ZMYM5: variants seen among roughly 807,000 people sequenced by gnomAD.
ZMYM5 encodes zinc finger MYM-type containing 5.
Under a neutral mutation model 61.8 loss-of-function variants are expected in ZMYM5, and 41 were observed. That is an observed-to-expected ratio of 0.66 (90% CI 0.52 to 0.86). The LOEUF is 0.86. Ranked by LOEUF, ZMYM5 falls within the 40% of genes least tolerant of loss-of-function variation. ZMYM5 has a pLI of 0.00. For missense variants in ZMYM5, 706 were observed against 786.7 expected, an observed-to-expected ratio of 0.90 and a Z score of 1.23; for synonymous variants, 257 against 276.4, an observed-to-expected ratio of 0.93 and a Z score of 0.70.
rs553929443 is a variant in ZMYM5, at chr13:19,838,823, G to C, written c.749C>G (p.Pro250Arg). 7.4e-6 allele frequency: 12 copies of C among 1,614,144 alleles called. No individual in the cohort carries two copies. The South Asian group carries it at 1.3e-4, about 18-fold the overall frequency. ...ATAAGCTGTCTGTCCCTTCTGTAAA[G>C]GCTTTTTGCAATTTGCACAAGTGAT... is the stretch of plus-strand genomic sequence containing the variant. ...AKITCANCKK[P>R]LQKGQTAYQR... is the part of the protein sequence containing the mutation. Residue 250 changes from proline to arginine, a missense_variant, in exon 5 of 8, where the codon CCT becomes CGT. Pro to Arg is a moderately radical substitution (Grantham distance 103). Transcript: ENST00000337963.
intron 7 of ZMYM5, among the ~76,000 whole-genome samples, chr13:19,830,891 G>A (rs1388308709): frequency 6.7e-6 from 1 of 149,360 alleles, no homozygotes; most frequent in Non-Finnish European, 1.5e-5. Context: ...CCAGGCTGGA[G>A]TGCAGTGGCA....
At chr13:19,831,787 C>CAA (rs1190448216) in intron 7 of ZMYM5, among the ~76,000 whole-genome samples, 1,130 of 36,650 alleles carry the variant, frequency 0.031, 318 homozygotes, top group Middle Eastern at 0.11. Context: ...GACTCTGTCT[C>CAA]AAAAAAAAAA....
intron 7 of ZMYM5, among the ~76,000 whole-genome samples, chr13:19,832,232 C>T (rs1177228280): frequency 1.3e-5 from 2 of 152,046 alleles, no homozygotes; most frequent in African/African-American, 2.4e-5. Context: ...GTAATTCTTA[C>T]GCTTTTTGGA....
Position 19,855,137 on chromosome 13 carries a change from T to C in ZMYM5, c.-10-2947A>G, listed in dbSNP as rs546585654. Among the ~76,000 whole-genome samples, 4 of 152,286 alleles carry C rather than the reference T, an allele frequency of 2.6e-5. No individual in the cohort carries two copies. In the East Asian group the frequency reaches 7.7e-4, roughly 29 times the overall value. ...TTTGGGGGCCAAGTGGGAGAATTGC[T>C]TGAGCCCAGGAGTTTGAGACCAGCC... is the stretch of plus-strand genomic sequence containing the variant. On this transcript the variant is annotated intron_variant, in intron 2 of 7. Coordinates refer to ENST00000337963, the MANE Select transcript of ZMYM5 (RefSeq NM_001142684.2).
chr13:19,834,258 G>A (rs1203351359), intron 7 of ZMYM5, among the ~76,000 whole-genome samples: 1 of 151,872 alleles, frequency 6.6e-6, no homozygotes, highest in Non-Finnish European at 1.5e-5. Flanking sequence ...GATTACAGGC[G>A]TGAGCCACCA....
intron 7 of ZMYM5, among the ~76,000 whole-genome samples, chr13:19,828,697 T>C (rs1426807497): frequency 6.6e-6 from 1 of 152,084 alleles, no homozygotes; most frequent in African/African-American, 2.4e-5. Context: ...GAGATAGGAG[T>C]TGAGAAGTGC....
At chr13:19,838,474 G>T (rs1423420927) in intron 5 of ZMYM5, among the ~76,000 whole-genome samples, 2 of 152,098 alleles carry the variant, frequency 1.3e-5, no homozygotes, top group African/African-American at 4.8e-5. Context: ...AGCAGGGAGA[G>T]GGGCAATTGA....
chr13:19,848,374 C>T (rs1351770675), intron 4 of ZMYM5, among the ~76,000 whole-genome samples: 1 of 151,956 alleles, frequency 6.6e-6, no homozygotes, highest in East Asian at 1.9e-4. Flanking sequence ...TCAAACTCCT[C>T]GGCTCAAGTG....
chr13:19,843,584 C>T (rs1445033061), intron 4 of ZMYM5: 2 of 152,006 alleles, frequency 1.3e-5, no homozygotes, highest in East Asian at 3.9e-4. Context: ...TGCCTATAAT[C>T]CCAGCACTTG....
Position 19,824,529 on chromosome 13 carries a change from T to G in ZMYM5, c.1958A>C (p.His653Pro). ...KKNKAIDAAEHRLYENEKNDG... is the reference protein window; with the variant it reads ...KKNKAIDAAEPRLYENEKNDG... ...ATTTTTCTCATTTTCATATAATCTG[T>G]GTTCTGCAGCATCAATAGCTTTATT... Residue 653 changes from histidine (H) to proline (P), a missense_variant, in exon 8 of 8, where the codon CAC becomes CCC. His to Pro is a moderately conservative substitution (Grantham distance 77, BLOSUM62 -2). This residue lies in a region of ZMYM5 where 226 missense variants were observed against 325.0 expected (regional missense o/e 0.70). Coordinates refer to ENST00000337963, the MANE Select transcript of ZMYM5 (RefSeq NM_001142684.2). 7.5e-7 allele frequency: 1 copy of G among 1,329,704 alleles called. No individual in the cohort carries two copies. The highest frequency in any genetic ancestry group is 9.9e-7 in the Non-Finnish European group (1 of 1,008,216). 82.4% of individuals were successfully genotyped at this position (1,329,704 alleles called of 1,614,324 possible). A position where few individuals can be genotyped will look rare whatever the true frequency, so the allele number is the denominator to read the frequency against.
chr13:19,850,550 G>A (rs1394310806), intron 4 of ZMYM5, among the ~76,000 whole-genome samples: 1 of 152,074 alleles, frequency 6.6e-6, no homozygotes, highest in Non-Finnish European at 1.5e-5. Context: ...GCAGTGAGCC[G>A]AGATGACGCC....
At chr13:19,858,579 C>A in intron 2 of ZMYM5, among the ~76,000 whole-genome samples, 1 of 77,232 alleles carries the variant, frequency 1.3e-5, no homozygotes, top group Admixed American at 2.2e-4. Context: ...CTGAGAGACG[C>A]TGTTTCAAAA....
Position 19,837,640 on chromosome 13 carries a change from G to C in ZMYM5, c.1038+16C>G. 1 of 1,595,926 alleles carries C rather than the reference G, an allele frequency of 6.3e-7. No homozygotes were observed. The highest frequency in any genetic ancestry group is 8.5e-7 in the Non-Finnish European group (1 of 1,175,924). ...ACTGTTAGCCTAAACAACAACTTAG[G>C]TATAAAAATCCAGACCTCTGCTAAT... On this transcript the variant is annotated intron_variant, in intron 6 of 7. Transcript: ENST00000337963.
chr13:19,832,020 C>G (rs955029018), intron 7 of ZMYM5, among the ~76,000 whole-genome samples: 2 of 150,662 alleles, frequency 1.3e-5, no homozygotes, highest in African/African-American at 4.9e-5. Flanking sequence ...CACGGCCTGG[C>G]TAACTTTTTG....
At chr13:19,842,498 G>T (rs2099752892) in intron 4 of ZMYM5, among the ~76,000 whole-genome samples, 2 of 151,964 alleles carry the variant, frequency 1.3e-5, no homozygotes, top group Admixed American at 6.6e-5. Flanking sequence ...AACCTAATTT[G>T]TTGTACTAAT....
At chr13:19,846,953 G>GA (rs1376053733) in intron 4 of ZMYM5, among the ~76,000 whole-genome samples, 1 of 151,844 alleles carries the variant, frequency 6.6e-6, no homozygotes, top group African/African-American at 2.4e-5. Context: ...TAAACAGTAT[G>GA]AAAAAAATTT....
chr13:19,855,324 A>G (rs1953461631), intron 2 of ZMYM5, among the ~76,000 whole-genome samples: 1 of 151,684 alleles, frequency 6.6e-6, no homozygotes, highest in Non-Finnish European at 1.5e-5. Context: ...GTGCAGTGGC[A>G]CAATCTAGGC....
At chr13:19,851,634 T>A (rs571465317) in intron 3 of ZMYM5, 55 bp downstream of exon 3, 1 of 1,547,860 alleles carries the variant, frequency 6.5e-7, no homozygotes, top group South Asian at 1.3e-5. Context: ...TTAGTAATAA[T>A]GTATTTCAGA....
intron 2 of ZMYM5, among the ~76,000 whole-genome samples, chr13:19,860,935 C>CGTGT (rs10690639): frequency 0.075 from 10,193 of 136,766 alleles, 399 homozygotes; most frequent in Middle Eastern, 0.11. Flanking sequence ...TATATGCGCA[C>CGTGT]GTGTGTGTGT....
Sources: allele counts gnomAD v4.1 joint callset (sites outside exome capture counted in the v4.1 genomes callset), GRCh38; gene constraint gnomAD v4.1.1; regional missense constraint gnomAD v4.1.1; transcripts MANE v1.5; gene names NCBI Gene and HGNC (gene_info 2026-07-23, HGNC 2026-07-21).